MBNL1: variants seen among roughly 807,000 people sequenced by gnomAD.
The protein encoded by MBNL1 is muscleblind like splicing regulator 1, also known as muscleblind-like protein 1.
MBNL1 carries 8 observed loss-of-function variants against 42.2 expected under a neutral mutation model. The ratio of observed to expected loss-of-function variants is 0.19; its 90% CI spans 0.11 to 0.34. The LOEUF is 0.34. Among genes scored for constraint, MBNL1 ranks in the 10% least tolerant of loss-of-function variants. The probability of loss-of-function intolerance (pLI) is 1.00; values close to 1 mark genes in which losing one functional copy is unlikely to be tolerated. For missense variants in MBNL1, 309 were observed against 495.3 expected (o/e 0.62, Z 3.57); for synonymous variants, 169 against 173.9 (o/e 0.97, Z 0.22).
chr3:152,273,477 C>T (rs2043099487), intron 1 of MBNL1, among the ~76,000 whole-genome samples: 1 of 152,088 alleles, frequency 6.6e-6, no homozygotes, highest in Non-Finnish European at 1.5e-5. Flanking sequence ...AGAGGCATCT[C>T]ATCATATGTG....
intron 6 of MBNL1, among the ~76,000 whole-genome samples, chr3:152,451,410 C>T (rs1040593761): frequency 6.6e-6 from 1 of 152,144 alleles, no homozygotes; most frequent in Non-Finnish European, 1.5e-5. Flanking sequence ...CTGTTCTCCC[C>T]TTTCCTTTCC....
chr3:152,462,239 C>T (rs949866735), intron 9 of MBNL1, 146 bp from the exon 10 acceptor site: 1 of 152,068 alleles, frequency 6.6e-6, no homozygotes, highest in Non-Finnish European at 1.5e-5. Context: ...TCTGTCTACT[C>T]TTGTAAAATG....
chr3:152,413,267 AATC>A (rs1168833906), intron 2 of MBNL1, among the ~76,000 whole-genome samples: 1 of 152,220 alleles, frequency 6.6e-6, no homozygotes, highest in Non-Finnish European at 1.5e-5. Context: ...ATGTTTAAAA[AATC>A]ATCTTCATAC....
At chr3:152,310,638 T>C (rs1308456314) in intron 2 of MBNL1, among the ~76,000 whole-genome samples, 2 of 152,242 alleles carry the variant, frequency 1.3e-5, no homozygotes, top group African/African-American at 4.8e-5. Flanking sequence ...CATTTTTTCT[T>C]AATCTAGAAA....
chr3:152,319,061 T>C (rs2152344767), intron 2 of MBNL1, among the ~76,000 whole-genome samples: 1 of 152,286 alleles, frequency 6.6e-6, no homozygotes, highest in South Asian at 2.1e-4. Flanking sequence ...CTAGAGTAAG[T>C]TGGAGAGACA....
At chr3:152,296,769 A>G (rs1428453018) in intron 1 of MBNL1, among the ~76,000 whole-genome samples, 1 of 151,918 alleles carries the variant, frequency 6.6e-6, no homozygotes, top group African/African-American at 2.4e-5. Flanking sequence ...GTGTGTTTGT[A>G]TATTTTGTAC....
At chr3:152,435,060 A>ATT (rs796920923) in intron 4 of MBNL1, among the ~76,000 whole-genome samples, 1 of 133,648 alleles carries the variant, frequency 7.5e-6, no homozygotes, top group African/African-American at 2.7e-5. Context: ...TCATTTTTCC[A>ATT]TTTTTTTTTT....
At chr3:152,435,625 T>A (rs1191115168) in intron 4 of MBNL1, among the ~76,000 whole-genome samples, 1 of 152,214 alleles carries the variant, frequency 6.6e-6, no homozygotes, top group African/African-American at 2.4e-5. Flanking sequence ...TATAGCTTGC[T>A]TTGAGCAGTA....
At chr3:152,445,659 G>A in intron 5 of MBNL1, 120 bp downstream of exon 5, 3 of 1,039,184 alleles carry the variant, frequency 2.9e-6, no homozygotes, top group Non-Finnish European at 1.4e-6. Flanking sequence ...AGATATGTTT[G>A]TTCAGGTATC....
rs182950233 is a variant in MBNL1, at chr3:152,377,224, A to G, written c.175-37717A>G. On this transcript the variant is annotated intron_variant, in intron 2 of 9. Transcript: ENST00000324210. ...CATTTAATAGAATTATGCTTAGATA[A>G]GATGCTTTTTTCATTGAATTGGCCT... 2.7e-3 allele frequency among the ~76,000 whole-genome samples: 408 copies of G among 152,312 alleles called. 9 individuals are homozygous for G. Among genetic ancestry groups the G allele is most frequent in the Non-Finnish European group, 6.3e-4 (43 of 68,020 alleles).
chr3:152,302,684 T>C (rs530577521), intron 2 of MBNL1, among the ~76,000 whole-genome samples: 1 of 152,280 alleles, frequency 6.6e-6, no homozygotes, highest in African/African-American at 2.4e-5. Context: ...GTTATGAGGT[T>C]TCCATGCCAT....
At chr3:152,303,042 C>CA (rs2061391862) in intron 2 of MBNL1, among the ~76,000 whole-genome samples, 2 of 149,694 alleles carry the variant, frequency 1.3e-5, no homozygotes, top group African/African-American at 4.9e-5. Context: ...AAAAATAAGT[C>CA]AAACAGTTCA....
At chr3:152,278,858 A>G (rs1302272978) in intron 1 of MBNL1, among the ~76,000 whole-genome samples, 1 of 152,128 alleles carries the variant, frequency 6.6e-6, no homozygotes, top group African/African-American at 2.4e-5. Context: ...TCGAAAGTAT[A>G]ATTACATAGT....
At chr3:152,266,035 T>A (rs2037174782), upstream of MBNL1, 1 of 152,232 alleles carries the variant, frequency 6.6e-6, no homozygotes, top group Admixed American at 6.5e-5. Flanking sequence ...TTTAACATGA[T>A]CTGGTGTTTG....
At chr3:152,289,877 G>A (rs567849396) in intron 1 of MBNL1, among the ~76,000 whole-genome samples, 1 of 152,130 alleles carries the variant, frequency 6.6e-6, no homozygotes, top group African/African-American at 2.4e-5. Context: ...AAATATTTGT[G>A]TATTACGTTG....
chr3:152,398,138 T>C (rs1034727538), intron 2 of MBNL1, among the ~76,000 whole-genome samples: 3 of 152,186 alleles, frequency 2.0e-5, no homozygotes, highest in Non-Finnish European at 4.4e-5. Context: ...TATAGTTAAG[T>C]GCAATGAAAC....
chr3:152,315,641 TG>T (rs1241269044), intron 2 of MBNL1, among the ~76,000 whole-genome samples: 1 of 151,854 alleles, frequency 6.6e-6, no homozygotes, highest in East Asian at 1.9e-4. Context: ...TCACACTTAA[TG>T]TAAAAAAAAA....
At chr3:152,245,604 C>T (rs1341074869) in intron 2 of MBNL1, among the ~76,000 whole-genome samples, 1 of 152,114 alleles carries the variant, frequency 6.6e-6, no homozygotes, top group Non-Finnish European at 1.5e-5. Context: ...CCACACTATC[C>T]CATCAATTAA....
At chr3:152,388,830 G>C (rs763926355) in intron 2 of MBNL1, among the ~76,000 whole-genome samples, 2 of 152,168 alleles carry the variant, frequency 1.3e-5, no homozygotes, top group Non-Finnish European at 2.9e-5. Flanking sequence ...TCAGGTAGAT[G>C]AAGTGACTAA....
Sources: gnomAD v4.1 joint callset for allele counts (sites outside exome capture counted in the v4.1 genomes callset) on GRCh38, gnomAD v4.1.1 for gene constraint, MANE v1.5 for transcripts, NCBI Gene and HGNC (gene_info 2026-07-23, HGNC 2026-07-21) for gene names.